Variants in RAB3IP observed in about 807,000 individuals in gnomAD.
RAB3IP encodes the protein rab-3A-interacting protein.
A neutral mutation model predicts 59.1 loss-of-function variants in RAB3IP; 36 were observed. That is an observed-to-expected ratio of 0.61 (90% CI 0.47 to 0.80). RAB3IP has a LOEUF of 0.80. Ranked by LOEUF, RAB3IP falls within the 30% of genes least tolerant of loss-of-function variation. The pLI is 0.00. For missense variants in RAB3IP, 511 were observed against 536.0 expected, an observed-to-expected ratio of 0.95 and a Z score of 0.46; for synonymous variants, 207 against 191.2, an observed-to-expected ratio of 1.08 and a Z score of -0.68.
chr12:69,748,881 A>G (rs961626721), intron 1 of RAB3IP, among the ~76,000 whole-genome samples: 5 of 152,246 alleles, frequency 3.3e-5, no homozygotes, highest in Non-Finnish European at 2.9e-5. Flanking sequence ...TGAGATTGGC[A>G]GCTCATTACC....
chr12:69,755,344 A>G (rs1476317681), intron 1 of RAB3IP, 40 bp from the exon 2 acceptor site: 1 of 1,493,232 alleles, frequency 6.7e-7, no homozygotes, highest in African/African-American at 1.4e-5. Context: ...TTTAAATGTT[A>G]TTATCTAAAA....
At chr12:69,745,461 G>C (rs1173855134) in intron 1 of RAB3IP, among the ~76,000 whole-genome samples, 1 of 151,166 alleles carries the variant, frequency 6.6e-6, no homozygotes, top group African/African-American at 2.4e-5. Flanking sequence ...GTAAGGAGCT[G>C]AATAAGTATT....
chr12:69,801,675 C>A lies in RAB3IP; in HGVS notation c.1084C>A (p.Pro362Thr). The A allele has an allele frequency of 6.2e-7, 1 of 1,612,838 alleles. No homozygotes were observed. Among genetic ancestry groups the A allele is most frequent in the Non-Finnish European group, 8.5e-7 (1 of 1,179,288 alleles). The change falls in exon 8 of 11, where the codon CCT (proline) becomes ACT (threonine). Residue 362 changes from proline to threonine, a missense_variant. Transcript: ENST00000247833. ...TLSIEPVGLQ[P>T]IRFVKASAVE... ...AAGCATTGAACCAGTGGGATTACAACCTATCCGGTTTGTGAAAGCTTCTGC... is the reference window on the plus strand; with the variant it reads ...AAGCATTGAACCAGTGGGATTACAAACTATCCGGTTTGTGAAAGCTTCTGC...
At chr12:69,800,453 A>G in intron 7 of RAB3IP, 116 bp downstream of exon 7, 1 of 668,856 alleles carries the variant, frequency 1.5e-6, no homozygotes, top group Non-Finnish European at 2.3e-6. Flanking sequence ...ATAAAATGTC[A>G]TGTTTTGCTA....
chr12:69,753,105 T>G (rs1459490458), intron 1 of RAB3IP, among the ~76,000 whole-genome samples: 1 of 152,234 alleles, frequency 6.6e-6, no homozygotes, highest in Non-Finnish European at 1.5e-5. Flanking sequence ...TTGAAATTTG[T>G]CATTTGTAGA....
chr12:69,757,722 C>T (rs1028170338), intron 3 of RAB3IP, among the ~76,000 whole-genome samples: 2 of 152,018 alleles, frequency 1.3e-5, no homozygotes, highest in African/African-American at 4.8e-5. Flanking sequence ...TTTTTTAATC[C>T]CCAGTTCCTT....
At position 69,755,461 on chromosome 12, in the gene RAB3IP, C is replaced by T; in HGVS notation, c.53C>T (p.Thr18Ile). 2 of 1,614,126 alleles carry T rather than the reference C, an allele frequency of 1.2e-6. No homozygotes were observed. Among genetic ancestry groups the T allele is most frequent in the Non-Finnish European group, 1.7e-6 (2 of 1,180,000 alleles). The change falls in exon 2 of 11, where the codon ACT (threonine) becomes ATT (isoleucine). Residue 18 changes from threonine (T) to isoleucine (I), a missense_variant. Transcript: ENST00000247833. Reference sequence around the variant, plus strand: ...CATGAAGTAAACCTTGCTTCACCTACTTCTCCGGACCTTCTTGGTGTGTAT... The same window carrying T: ...CATGAAGTAAACCTTGCTTCACCTATTTCTCCGGACCTTCTTGGTGTGTAT... ...GFHEVNLASP[T>I]SPDLLGVYES...
At chr12:69,772,195 T>C (rs1210169169) in intron 3 of RAB3IP, among the ~76,000 whole-genome samples, 1 of 152,186 alleles carries the variant, frequency 6.6e-6, no homozygotes, top group East Asian at 1.9e-4. Flanking sequence ...AATTTTTGGC[T>C]TAAAGTCTGT....
intron 6 of RAB3IP, among the ~76,000 whole-genome samples, chr12:69,797,890 A>T (rs1361166157): frequency 6.6e-6 from 1 of 152,276 alleles, no homozygotes; most frequent in East Asian, 1.9e-4. Flanking sequence ...TCCATGGTGT[A>T]TATGTGCCAC....
At chr12:69,803,158 G>A (rs1464371922) in intron 8 of RAB3IP, among the ~76,000 whole-genome samples, 2 of 152,092 alleles carry the variant, frequency 1.3e-5, no homozygotes, top group Non-Finnish European at 2.9e-5. Context: ...AACAAATGGG[G>A]ATATCAAATT....
chr12:69,762,173 GGT>G (rs936843283), intron 3 of RAB3IP, among the ~76,000 whole-genome samples: 6 of 152,224 alleles, frequency 3.9e-5, no homozygotes, highest in African/African-American at 1.2e-4. Flanking sequence ...CCAATCATGT[GGT>G]CACTTATTTT....
chr12:69,761,164 T>G (rs2136144902), intron 3 of RAB3IP, among the ~76,000 whole-genome samples: 1 of 152,348 alleles, frequency 6.6e-6, no homozygotes, highest in East Asian at 1.9e-4. Context: ...TACTCTTTTC[T>G]TCTGAAATAT....
intron 1 of RAB3IP, chr12:69,739,704 A>G: frequency 1.3e-6 from 1 of 793,654 alleles, no homozygotes; most frequent in South Asian, 1.6e-5. Context: ...GGGAGTTGAG[A>G]CGAACTGCAC....
chr12:69,796,556 A>G, intron 6 of RAB3IP: 1 of 493,282 alleles, frequency 2.0e-6, no homozygotes, highest in South Asian at 3.4e-5. Context: ...TTTTGTATGG[A>G]AGCCAGGAGT....
chr12:69,822,434 ATACACT>A lies in RAB3IP; in HGVS notation c.*6991_*6996del, dbSNP rs1881846024. The A allele has an allele frequency of 6.6e-6, 1 of 151,812 alleles. No homozygotes were observed. Among genetic ancestry groups the A allele is most frequent in the Non-Finnish European group, 1.5e-5 (1 of 67,996 alleles). The allele number at this position is 151,812 out of a possible 1,614,324, so 9.4% of individuals were successfully genotyped here. The stretch of plus-strand genomic sequence containing the variant: ...CCAAGCAGATAGAAACTGTCAATAG[ATACACT>A]TAGAATGAATATGCATGGAATCAAA... On this transcript the variant is annotated 3_prime_UTR_variant, in exon 11 of 11. Coordinates refer to ENST00000247833, the MANE Select transcript of RAB3IP (RefSeq NM_022456.5).
intron 1 of RAB3IP, 38 bp from the exon 2 acceptor site, chr12:69,755,346 T>G: frequency 6.7e-7 from 1 of 1,492,014 alleles, no homozygotes; most frequent in East Asian, 2.3e-5. Flanking sequence ...TAAATGTTAT[T>G]ATCTAAAAAT....
chr12:69,764,868 G>T (rs1313084980), intron 3 of RAB3IP, among the ~76,000 whole-genome samples: 2 of 152,064 alleles, frequency 1.3e-5, no homozygotes, highest in African/African-American at 2.4e-5. Flanking sequence ...CCCTTGGTTG[G>T]ATGTATTCCT....
At chr12:69,756,205 GCTAT>G (rs1870185418) in intron 2 of RAB3IP, among the ~76,000 whole-genome samples, 196 bp from the exon 3 acceptor site, 1 of 152,174 alleles carries the variant, frequency 6.6e-6, no homozygotes, top group South Asian at 2.1e-4. Flanking sequence ...CTATTTCTGT[GCTAT>G]CTAATATGAA....
At chr12:69,779,994 A>G (rs968621252) in intron 3 of RAB3IP, among the ~76,000 whole-genome samples, 3 of 152,164 alleles carry the variant, frequency 2.0e-5, no homozygotes, top group Non-Finnish European at 4.4e-5. Context: ...GGGCCTATCT[A>G]GAGATCTAAG....
Sources: gnomAD v4.1 joint callset for allele counts (sites outside exome capture counted in the v4.1 genomes callset) on GRCh38, gnomAD v4.1.1 for gene constraint, MANE v1.5 for transcripts, NCBI Gene and HGNC (gene_info 2026-07-23, HGNC 2026-07-21) for gene names.